The following AGBL1 variants were observed in gnomAD, a reference collection of about 807,000 sequenced individuals.
AGBL1 encodes AGBL carboxypeptidase 1, also known as cytosolic carboxypeptidase 4.
In AGBL1, 130 loss-of-function variants were observed where a neutral mutation model predicts 118.9. That is an observed-to-expected ratio of 1.09 (90% confidence interval 0.95 to 1.26). AGBL1 has a LOEUF of 1.26. AGBL1 is among the 50% of genes most tolerant of loss of function. AGBL1 has a pLI of 0.00. For missense variants in AGBL1, 1,584 were observed against 1,298.1 expected (o/e 1.22, Z -3.38); for synonymous variants, 555 against 478.9 (o/e 1.16, Z -2.08).
At chr15:86,669,124 A>T (rs2085696934) in intron 21 of AGBL1, among the ~76,000 whole-genome samples, 1 of 152,212 alleles carries the variant, frequency 6.6e-6, no homozygotes, top group African/African-American at 2.4e-5. Context: ...TTAGCATTTT[A>T]AAAATTATAA....
intron 22 of AGBL1, among the ~76,000 whole-genome samples, chr15:86,855,699 T>A (rs1206991573): frequency 6.6e-6 from 1 of 152,220 alleles, no homozygotes; most frequent in Non-Finnish European, 1.5e-5. Context: ...GCAAAAACCT[T>A]GATTTAATCA....
Position 86,142,067 on chromosome 15 carries a change from G to A in AGBL1, c.115G>A (p.Gly39Ser), listed in dbSNP as rs1363106503. The A allele has an allele frequency of 1.5e-5, 24 of 1,550,110 alleles. No individual in the cohort carries two copies. The highest frequency in any genetic ancestry group is 2.1e-5 in the Non-Finnish European group (24 of 1,146,762). Residue 39 changes from glycine to serine, a missense_variant and splice_region_variant, in exon 2 of 23, where the codon GGC becomes AGC. Coordinates refer to ENST00000614907, the MANE Select transcript of AGBL1 (RefSeq NM_001386094.1). ...LKVLGDLLSV[G>S]TDRRIHYMIS... ...GGTCCTCGGAGATCTGCTTTCTGTT[G>A]GTGAGTAGGCCATGCTCTCATGCTT...
At chr15:86,822,067 G>A (rs2078949680) in intron 22 of AGBL1, among the ~76,000 whole-genome samples, 1 of 152,116 alleles carries the variant, frequency 6.6e-6, no homozygotes, top group South Asian at 2.1e-4. Context: ...GTGTCCATGT[G>A]TGCACAGCCC....
rs570412859 is a variant in AGBL1 at position 86,754,817 on chromosome 15, A to G, written c.3158+80381A>G. On this transcript the variant is annotated intron_variant, in intron 22 of 22. Coordinates refer to ENST00000614907, the MANE Select transcript of AGBL1 (RefSeq NM_001386094.1). ...CAGAGGCACTGACCTTTTAGCTTGCATGCATTGCCAGGCTCAAGAGAAAAC... is the reference window on the plus strand; with the variant it reads ...CAGAGGCACTGACCTTTTAGCTTGCGTGCATTGCCAGGCTCAAGAGAAAAC... Among the ~76,000 whole-genome samples the G allele has an allele frequency of 2.0e-5, 3 of 152,166 alleles. No individual in the cohort carries two copies. The East Asian group carries it at 5.8e-4, about 30-fold the overall frequency.
At chr15:86,689,527 A>G (rs888323515) in intron 22 of AGBL1, among the ~76,000 whole-genome samples, 2 of 152,118 alleles carry the variant, frequency 1.3e-5, no homozygotes, top group African/African-American at 4.8e-5. Context: ...TATTTATGGG[A>G]AGATATGAAG....
At chr15:86,318,298 G>T (rs779838138) in intron 17 of AGBL1, among the ~76,000 whole-genome samples, 3 of 151,980 alleles carry the variant, frequency 2.0e-5, no homozygotes, top group African/African-American at 4.8e-5. Context: ...GTAGAACATT[G>T]CCACTAGTGT....
Position 86,184,050 on chromosome 15 carries a change from T to C in AGBL1, c.488+25024T>C, listed in dbSNP as rs550657314. On this transcript the variant is annotated intron_variant, in intron 5 of 22. Coordinates refer to ENST00000614907, the MANE Select transcript of AGBL1 (RefSeq NM_001386094.1). ...AGCCACAAGCTGGTGTACACATTCC[T>C]TAAGACAGAAAGAGATAAAGTGTTA... 2.2e-4 allele frequency among the ~76,000 whole-genome samples: 33 copies of C among 152,322 alleles called. No individual in the cohort carries two copies. The South Asian group carries it at 5.6e-3, about 26-fold the overall frequency.
chr15:86,295,569 G>A, intron 17 of AGBL1, 161 bp downstream of exon 17: 3 of 602,674 alleles, frequency 5.0e-6, no homozygotes, highest in Non-Finnish European at 7.9e-6. Flanking sequence ...TGACACAAAG[G>A]TTAAACATTA....
chr15:86,924,388 C>T (rs1393962851), intron 23 of AGBL1, among the ~76,000 whole-genome samples: 2 of 152,150 alleles, frequency 1.3e-5, no homozygotes, highest in African/African-American at 2.4e-5. Context: ...GCAAGGATGC[C>T]CAGACCTCAT....
chr15:86,807,245 G>A (rs1336445657), intron 22 of AGBL1, among the ~76,000 whole-genome samples: 2 of 152,146 alleles, frequency 1.3e-5, no homozygotes, highest in Non-Finnish European at 2.9e-5. Context: ...GACAGCCAGG[G>A]TCTGGGTTAA....
chr15:86,332,664 A>G (rs987737085), intron 17 of AGBL1, among the ~76,000 whole-genome samples: 2 of 131,642 alleles, frequency 1.5e-5, no homozygotes, highest in African/African-American at 2.8e-5. Context: ...AAAAAAAAAA[A>G]GAAATTCTGG....
At chr15:86,708,501 T>C (rs529241120) in intron 22 of AGBL1, among the ~76,000 whole-genome samples, 1 of 152,116 alleles carries the variant, frequency 6.6e-6, no homozygotes, top group African/African-American at 2.4e-5. Context: ...AAATTGCTAT[T>C]GTTAAAGCTT....
intron 22 of AGBL1, among the ~76,000 whole-genome samples, chr15:86,823,501 C>A (rs1346089596): frequency 6.6e-6 from 1 of 152,050 alleles, no homozygotes; most frequent in Non-Finnish European, 1.5e-5. Context: ...TGCCTCCAGG[C>A]CAATAATCAG....
chr15:86,292,613 G>A (rs150806857), intron 16 of AGBL1, among the ~76,000 whole-genome samples: 3 of 152,260 alleles, frequency 2.0e-5, no homozygotes, highest in Non-Finnish European at 4.4e-5. Context: ...AAGGGCAGAG[G>A]GCAAAGTGGG....
At chr15:86,107,560 A>G (rs1897123827) in intron 1 of AGBL1, 1 of 152,232 alleles carries the variant, frequency 6.6e-6, no homozygotes, top group Non-Finnish European at 1.5e-5. Flanking sequence ...TTGGAGCAGA[A>G]GCAATGTCAA....
At chr15:86,605,783 G>T (rs2084567709) in intron 21 of AGBL1, among the ~76,000 whole-genome samples, 1 of 151,942 alleles carries the variant, frequency 6.6e-6, no homozygotes, top group Non-Finnish European at 1.5e-5. Flanking sequence ...GTGTGTGCAT[G>T]TGTGTATGTT....
chr15:86,279,827 C>A (rs752625997), intron 16 of AGBL1, 44 bp downstream of exon 16: 5 of 1,601,604 alleles, frequency 3.1e-6, no homozygotes, highest in East Asian at 2.2e-5. Context: ...ACTGAAGGGG[C>A]TCTCTGAGGT....
intron 22 of AGBL1, among the ~76,000 whole-genome samples, chr15:86,820,023 CA>C (rs2078917577): frequency 6.6e-6 from 1 of 151,606 alleles, no homozygotes; most frequent in African/African-American, 2.4e-5. Context: ...ACAAACCTGA[CA>C]AAAACAAGCA....
chr15:86,972,585 C>T (rs1018397977), intron 23 of AGBL1, among the ~76,000 whole-genome samples: 30 of 151,996 alleles, frequency 2.0e-4, no homozygotes, highest in African/African-American at 7.2e-4. Flanking sequence ...CTTTATGTTA[C>T]ATAGATGCAC....
Sources: gnomAD v4.1 joint callset for allele counts (sites outside exome capture counted in the v4.1 genomes callset) on GRCh38, gnomAD v4.1.1 for gene constraint, MANE v1.5 for transcripts, NCBI Gene and HGNC (gene_info 2026-07-23, HGNC 2026-07-21) for gene names.